DTNA: variants seen among roughly 807,000 people sequenced by gnomAD.
The protein encoded by DTNA is dystrophin-related protein 3.
In DTNA, 43 loss-of-function variants were observed where a neutral mutation model predicts 100.7. The ratio of observed to expected loss-of-function variants is 0.43; its 90% CI spans 0.33 to 0.55. The LOEUF (loss-of-function observed/expected upper bound fraction) is 0.55, where lower values mean the gene tolerates loss of function less well. DTNA is among the 20% of genes least tolerant of loss of function. The pLI is 0.04. For missense variants in DTNA, 798 were observed against 953.9 expected (o/e 0.84, Z 2.15); for synonymous variants, 349 against 347.9 (o/e 1.00, Z -0.04).
At position 34,619,454 on chromosome 18, in the gene DTNA, T is replaced by A. The variant is rs536078773; in HGVS notation, c.-2+125940T>A. On this transcript the variant is annotated intron_variant, in intron 1 of 19. Coordinates refer to the DTNA transcript ENST00000283365. ...ACCACAAATTCCAAGCAAGGAAAAA[T>A]TAGAGCCTAATGTTCTAAGGAAATC... 2.0e-5 allele frequency among the ~76,000 whole-genome samples: 3 copies of A among 152,088 alleles called. No individual in the cohort carries two copies. The South Asian group carries it at 6.2e-4, about 32-fold the overall frequency.
At chr18:34,698,300 A>AT (rs2080879861) in intron 1 of DTNA, among the ~76,000 whole-genome samples, 2 of 152,082 alleles carry the variant, frequency 1.3e-5, no homozygotes, top group South Asian at 4.1e-4. Context: ...AACAATAGAA[A>AT]TTTTTTCTGT....
intron 1 of DTNA, among the ~76,000 whole-genome samples, chr18:34,682,059 C>T (rs2078210358): frequency 6.6e-6 from 1 of 152,148 alleles, no homozygotes; most frequent in African/African-American, 2.4e-5. Context: ...AGTGTGTAGC[C>T]TTTTCAGGTT....
At chr18:34,866,018 G>T in intron 17 of DTNA, 1 of 1,405,980 alleles carries the variant, frequency 7.1e-7, no homozygotes, top group East Asian at 2.3e-5. Flanking sequence ...AAGGTGTGTT[G>T]ATGTTTCCCC....
At chr18:34,868,547 T>G in intron 17 of DTNA, 3 of 985,472 alleles carry the variant, frequency 3.0e-6, no homozygotes, top group Non-Finnish European at 3.6e-6. Context: ...ACATTGTCTT[T>G]GTAAAACCAA....
intron 1 of DTNA, among the ~76,000 whole-genome samples, chr18:34,566,070 G>A (rs1356082788): frequency 1.3e-5 from 2 of 152,216 alleles, no homozygotes; most frequent in African/African-American, 2.4e-5. Flanking sequence ...GTGGACATAA[G>A]TCTAGTAATC....
At chr18:34,598,962 G>C (rs905200010) in intron 1 of DTNA, among the ~76,000 whole-genome samples, 3 of 152,192 alleles carry the variant, frequency 2.0e-5, no homozygotes, top group Non-Finnish European at 4.4e-5. Flanking sequence ...ATTAAACATT[G>C]AATATAGTTG....
intron 1 of DTNA, among the ~76,000 whole-genome samples, chr18:34,688,862 A>T (rs2079307156): frequency 6.6e-6 from 1 of 151,486 alleles, no homozygotes. Flanking sequence ...TTTTTCTCTA[A>T]TCTTGTCTTC....
At chr18:34,874,185 T>G (rs1183499701) in intron 17 of DTNA, among the ~76,000 whole-genome samples, 1 of 152,216 alleles carries the variant, frequency 6.6e-6, no homozygotes, top group African/African-American at 2.4e-5. Context: ...AGCATTGCTC[T>G]GGTGGTATAC....
chr18:34,679,302 A>G (rs1348064508), intron 1 of DTNA, among the ~76,000 whole-genome samples: 3 of 152,138 alleles, frequency 2.0e-5, no homozygotes, highest in South Asian at 2.1e-4. Context: ...TATTTCTTAT[A>G]CTAAATGAAA....
upstream of DTNA, among the ~76,000 whole-genome samples, chr18:34,705,330 C>T (rs2081977438): frequency 1.3e-5 from 2 of 152,110 alleles, no homozygotes; most frequent in African/African-American, 4.8e-5. Context: ...AACAAAACAG[C>T]ATCACCCACC....
intron 1 of DTNA, among the ~76,000 whole-genome samples, chr18:34,572,398 G>A (rs928981041): frequency 1.3e-5 from 2 of 152,124 alleles, no homozygotes; most frequent in Non-Finnish European, 2.9e-5. Context: ...CTTGCTATGT[G>A]CTAACCAATT....
chr18:34,706,336 C>T (rs1391077894), upstream of DTNA, among the ~76,000 whole-genome samples: 1 of 152,144 alleles, frequency 6.6e-6, no homozygotes, highest in African/African-American at 2.4e-5. Context: ...AATATTATTT[C>T]ACAAATGTTT....
At chr18:34,802,033 A>C in intron 4 of DTNA, among the ~76,000 whole-genome samples, 1 of 152,302 alleles carries the variant, frequency 6.6e-6, no homozygotes, top group Non-Finnish European at 1.5e-5. Flanking sequence ...AGTCTCTCAA[A>C]CACATCTGGC....
intron 6 of DTNA, among the ~76,000 whole-genome samples, chr18:34,815,000 C>T (rs1266094721): frequency 2.0e-5 from 3 of 151,914 alleles, no homozygotes; most frequent in South Asian, 2.1e-4. Context: ...TTAACAGCTA[C>T]TCAAGAGTCT....
chr18:34,510,881 C>T (rs1221676150), intron 1 of DTNA, among the ~76,000 whole-genome samples: 3 of 151,998 alleles, frequency 2.0e-5, no homozygotes, highest in Non-Finnish European at 4.4e-5. Context: ...TAGTTTCCCA[C>T]TTAAATGGCC....
chr18:34,510,094 G>GTGGT (rs1242436285), intron 1 of DTNA, among the ~76,000 whole-genome samples: 1 of 43,884 alleles, frequency 2.3e-5, no homozygotes, highest in African/African-American at 5.9e-5. Flanking sequence ...TGTGTGTGTG[G>GTGGT]TTTTTTTGGT....
chr18:34,714,325 C>T (rs1442731855), intron 1 of DTNA, among the ~76,000 whole-genome samples: 1 of 147,150 alleles, frequency 6.8e-6, no homozygotes, highest in African/African-American at 2.5e-5. Flanking sequence ...ATTTTCGCAA[C>T]CTACTCATCT....
chr18:34,524,125 A>G (rs756157770), intron 1 of DTNA, among the ~76,000 whole-genome samples: 1 of 152,184 alleles, frequency 6.6e-6, no homozygotes, highest in Non-Finnish European at 1.5e-5. Context: ...TATTAAAACA[A>G]TATTACTGCT....
At position 34,794,225 on chromosome 18, in the gene DTNA, A is replaced by C; in HGVS notation, c.337A>C (p.Asn113His). The C allele has an allele frequency of 6.2e-7, 1 of 1,613,952 alleles. No individual in the cohort carries two copies. The highest frequency in any genetic ancestry group is 8.5e-7 in the Non-Finnish European group (1 of 1,179,958). ...HVEQSISLLL[N>H]FLLAAFDPEG... The stretch of plus-strand genomic sequence containing the variant: ...GGAGCAGTCCATCAGCCTCCTCCTT[A>C]ACTTCCTGCTTGCAGCGTTTGATCC... Residue 113 changes from asparagine (N) to histidine (H), a missense_variant, in exon 4 of 23, where the codon AAC becomes CAC. By Grantham distance (68) the Asn-to-His change is moderately conservative. This residue lies in a region of DTNA where 197 missense variants were observed against 215.4 expected (regional missense o/e 0.91). Transcript: ENST00000444659.
Sources: gnomAD v4.1 joint callset for allele counts (sites outside exome capture counted in the v4.1 genomes callset) on GRCh38, gnomAD v4.1.1 for gene constraint, gnomAD v4.1.1 regional missense constraint, MANE v1.5 for transcripts, NCBI Gene and HGNC (gene_info 2026-07-23, HGNC 2026-07-21) for gene names.